PCDHA10: variants seen among roughly 807,000 people sequenced by gnomAD.
PCDHA10 encodes protocadherin alpha 10, also known as protocadherin alpha-10.
A neutral mutation model predicts 61.2 loss-of-function variants in PCDHA10; 45 were observed. The ratio of observed to expected loss-of-function variants is 0.74; its 90% CI spans 0.58 to 0.94. PCDHA10 has a LOEUF of 0.94. Ranked by LOEUF, PCDHA10 falls within the 40% of genes least tolerant of loss-of-function variation. PCDHA10 has a pLI of 0.00. For missense variants in PCDHA10, 1,278 were observed against 1,236.2 expected, an observed-to-expected ratio of 1.03 and a Z score of -0.51; for synonymous variants, 602 against 548.8, an observed-to-expected ratio of 1.10 and a Z score of -1.35.
At position 140,963,599 on chromosome 5, in the gene PCDHA10, C is replaced by T. The variant is rs968307291; in HGVS notation, c.2389-15350C>T. On this transcript the variant is annotated intron_variant, in intron 1 of 3. Coordinates refer to ENST00000307360, the MANE Select transcript of PCDHA10 (RefSeq NM_018901.4). ...TCAAAATGTAGGATATAGTTCTAGA[C>T]GTAATTGGGAAAGCTTAACTTTGTT... Among the ~76,000 whole-genome samples, 9 of 152,254 alleles carry T rather than the reference C, an allele frequency of 5.9e-5. No individual in the cohort carries two copies. The South Asian group carries it at 1.0e-3, about 18-fold the overall frequency.
In PCDHA10 at chr5:140,858,198, C is replaced by G; in HGVS notation, c.2150C>G (p.Thr717Ser). 6.3e-7 allele frequency: 1 copy of G among 1,597,410 alleles called. No individual in the cohort carries two copies. The highest frequency in any genetic ancestry group is 1.7e-5 in the Admixed American group (1 of 59,346). The stretch of plus-strand genomic sequence containing the variant: ...CTGGTGCTCACGCTGCTGCTGTACA[C>G]TGCACTGAGGTGCTCGGCGGCGCCC... ...SLLVLTLLLYTALRCSAAPTE... is the reference protein window; with the variant it reads ...SLLVLTLLLYSALRCSAAPTE... The change falls in exon 1 of 4, where the codon ACT becomes AGT. Residue 717 changes from threonine (T) to serine (S), a missense_variant. Thr to Ser is a moderately conservative substitution (Grantham distance 58). Coordinates refer to ENST00000307360, the MANE Select transcript of PCDHA10 (RefSeq NM_018901.4).
intron 1 of PCDHA10, chr5:140,966,538 C>G: frequency 2.2e-6 from 1 of 463,262 alleles, no homozygotes; most frequent in Non-Finnish European, 3.7e-6. Flanking sequence ...GGTTGAGCGA[C>G]TCGGAGGCGA....
chr5:140,938,215 G>C (rs1270663444), intron 1 of PCDHA10, among the ~76,000 whole-genome samples: 3 of 152,100 alleles, frequency 2.0e-5, no homozygotes, highest in Non-Finnish European at 4.4e-5. Context: ...CAAAGTGCTG[G>C]GATTACAGGC....
chr5:141,005,701 CAAAAAAAAAAAAA>C (rs59860837), intron 3 of PCDHA10, among the ~76,000 whole-genome samples: 12 of 7,786 alleles, frequency 1.5e-3, no homozygotes, highest in Non-Finnish European at 2.7e-3. Context: ...AACTCCGTCT[CAAAAAAAAAAAAA>C]AAAAAAAAAA....
chr5:140,925,299 T>C (rs2082428309), intron 1 of PCDHA10, among the ~76,000 whole-genome samples: 1 of 152,200 alleles, frequency 6.6e-6, no homozygotes, highest in African/African-American at 2.4e-5. Context: ...GTTTCATTAT[T>C]GGGGCTTTGG....
At position 141,009,800 on chromosome 5, in the gene PCDHA10, A is replaced by G. The variant is rs148436868; in HGVS notation, c.2710A>G (p.Ser904Gly). The stretch of plus-strand genomic sequence containing the variant: ...CTCCATCCGGCAGGAGCCTACTAAC[A>G]GCCAAATTGACAAAAGTGACTTCAT... ...IISIRQEPTN[S>G]QIDKSDFITF... The change falls in exon 4 of 4, where the codon AGC (serine) becomes GGC (glycine). Residue 904 changes from serine to glycine, a missense_variant. By Grantham distance (56) the Ser-to-Gly change is moderately conservative (BLOSUM62 0). Coordinates refer to ENST00000307360, the MANE Select transcript of PCDHA10 (RefSeq NM_018901.4). 1.2e-4 allele frequency: 190 copies of G among 1,614,158 alleles called. No individual in the cohort carries two copies. In the African/African-American group the frequency reaches 2.3e-3, roughly 19 times the overall value.
chr5:140,906,629 C>T (rs1554192599), intron 1 of PCDHA10, among the ~76,000 whole-genome samples: 1 of 152,222 alleles, frequency 6.6e-6, no homozygotes, highest in Non-Finnish European at 1.5e-5. Context: ...CTTCAGCAAG[C>T]ACCTCAGCAG....
At position 140,857,736 on chromosome 5, in the gene PCDHA10, C is replaced by T; in HGVS notation, c.1688C>T (p.Ala563Val). 2 of 1,597,364 alleles carry T rather than the reference C, an allele frequency of 1.3e-6. No individual in the cohort carries two copies. Among genetic ancestry groups the T allele is most frequent in the African/African-American group, 1.3e-5 (1 of 74,384 alleles). Residue 563 changes from alanine (A) to valine (V), a missense_variant, in exon 1 of 4, where the codon GCG becomes GTG. Transcript: ENST00000307360. The stretch of plus-strand genomic sequence containing the variant: ...CTGGACGAGAACGACAACGCTCCCG[C>T]GCTGCTGGCGTCTCCCGCTGGCAGC... ...FVLDENDNAP[A>V]LLASPAGSAG...
At chr5:140,873,007 C>G (rs1363151505) in intron 1 of PCDHA10, among the ~76,000 whole-genome samples, 2 of 152,088 alleles carry the variant, frequency 1.3e-5, no homozygotes, top group East Asian at 3.8e-4. Context: ...AGTCATTCTT[C>G]ATATTTAGTT....
intron 3 of PCDHA10, among the ~76,000 whole-genome samples, chr5:140,990,741 G>A (rs528078912): frequency 4.3e-4 from 65 of 152,270 alleles, no homozygotes; most frequent in African/African-American, 1.2e-3. Context: ...ACAGCCCTAG[G>A]GTGGATACCT....
At position 140,856,054 on chromosome 5, in the gene PCDHA10, T is replaced by G; in HGVS notation, c.6T>G (p.Val2=). 6.3e-7 allele frequency: 1 copy of G among 1,586,304 alleles called. No homozygotes were observed. The highest frequency in any genetic ancestry group is 8.6e-7 in the Non-Finnish European group (1 of 1,160,628). M[V]SRCSCLGVQC... is the part of the protein sequence containing the mutation. The stretch of plus-strand genomic sequence containing the variant: ...TAAAACAAGAGAAGGATAAGATGGT[T>G]TCCAGATGTAGCTGCCTGGGGGTCC... Residue 2 remains valine, a synonymous_variant, in exon 1 of 4, where the codon GTT becomes GTG. Coordinates refer to ENST00000307360, the MANE Select transcript of PCDHA10 (RefSeq NM_018901.4).
At chr5:140,959,412 A>G (rs2153722176) in intron 1 of PCDHA10, among the ~76,000 whole-genome samples, 1 of 152,256 alleles carries the variant, frequency 6.6e-6, no homozygotes, top group African/African-American at 2.4e-5. Context: ...GTGTTGATTG[A>G]TCTGAGAATT....
At chr5:140,883,138 A>G (rs967946520) in intron 1 of PCDHA10, 3 of 1,614,120 alleles carry the variant, frequency 1.9e-6, no homozygotes, top group Non-Finnish European at 2.5e-6. Flanking sequence ...CTGCAGTGGT[A>G]TATGCATTTA....
intron 1 of PCDHA10, chr5:140,882,427 G>A: frequency 6.2e-7 from 1 of 1,614,090 alleles, no homozygotes; most frequent in Non-Finnish European, 8.5e-7. Flanking sequence ...AGGACCTGGG[G>A]CTGGAGCTGG....
chr5:140,987,001 G>T (rs2097221434), intron 3 of PCDHA10, among the ~76,000 whole-genome samples: 1 of 152,038 alleles, frequency 6.6e-6, no homozygotes. Context: ...ATCACTTGAG[G>T]TCATGAGTTC....
At chr5:140,863,405 C>T (rs1554158176) in intron 1 of PCDHA10, 11 of 799,522 alleles carry the variant, frequency 1.4e-5, no homozygotes, top group Non-Finnish European at 2.3e-5. Context: ...GGCAAGCCCA[C>T]GCTGGTGTAC....
At chr5:140,927,926 T>C (rs782407263) in intron 1 of PCDHA10, 2 of 1,614,212 alleles carry the variant, frequency 1.2e-6, no homozygotes, top group East Asian at 2.2e-5. Context: ...TTCCTGACTC[T>C]TTCGAACCCA....
At chr5:140,876,238 CA>C in intron 1 of PCDHA10, 4 of 1,613,896 alleles carry the variant, frequency 2.5e-6, no homozygotes, top group Non-Finnish European at 3.4e-6. Context: ...TGAAAATGTC[CA>C]AAACGACACA....
intron 1 of PCDHA10, among the ~76,000 whole-genome samples, chr5:140,892,029 T>C (rs954107632): frequency 2.0e-4 from 30 of 152,336 alleles, no homozygotes; most frequent in Middle Eastern, 6.8e-3. Context: ...TGGTCTAAGA[T>C]ACTTTTATTT....
Sources: allele counts gnomAD v4.1 joint callset (sites outside exome capture counted in the v4.1 genomes callset), GRCh38; gene constraint gnomAD v4.1.1; transcripts MANE v1.5; gene names NCBI Gene and HGNC (gene_info 2026-07-23, HGNC 2026-07-21).